Variants in ASB2 observed in about 807,000 individuals in gnomAD.
ASB2 encodes the protein ankyrin repeat and SOCS box containing 2, also known as ankyrin repeat and SOCS box protein 2.
A neutral mutation model predicts 62.4 loss-of-function variants in ASB2; 58 were observed. The ratio of observed to expected loss-of-function variants is 0.93; its 90% CI spans 0.75 to 1.16. ASB2 has a LOEUF of 1.16. ASB2 is among the 50% of genes most tolerant of loss of function. ASB2 has a pLI of 0.00. For missense variants in ASB2, 928 were observed against 887.9 expected (o/e 1.05, Z -0.57); for synonymous variants, 386 against 385.3 (o/e 1.00, Z -0.02).
chr14:93,965,815 G>A (rs1889572485), intron 1 of ASB2, among the ~76,000 whole-genome samples: 1 of 152,196 alleles, frequency 6.6e-6, no homozygotes, highest in South Asian at 2.1e-4. Context: ...TGATGGACAT[G>A]CGTCAAGGAT....
chr14:93,959,104 G>A (rs1889322285), intron 2 of ASB2, among the ~76,000 whole-genome samples: 1 of 152,188 alleles, frequency 6.6e-6, no homozygotes, highest in East Asian at 1.9e-4. Flanking sequence ...TGGAAGCAGC[G>A]GGTGTGCTGT....
chr14:93,950,363 A>G (rs1364492648), intron 6 of ASB2, among the ~76,000 whole-genome samples: 3 of 152,234 alleles, frequency 2.0e-5, no homozygotes, highest in Non-Finnish European at 4.4e-5. Context: ...GTCTTTTGCT[A>G]CTGGGCCATC....
intron 7 of ASB2, chr14:93,939,984 A>G (rs1888457178): frequency 2.9e-6 from 1 of 346,194 alleles, no homozygotes; most frequent in South Asian, 1.3e-4. Flanking sequence ...TGGCCTCCGA[A>G]GTCTGAGTTC....
chr14:93,947,480 G>A lies in ASB2; in HGVS notation c.921C>T (p.Ala307=). 1 of 1,614,212 alleles carries A rather than the reference G, an allele frequency of 6.2e-7. No individual in the cohort carries two copies. Among genetic ancestry groups the A allele is most frequent in the East Asian group, 2.2e-5 (1 of 44,886 alleles). Residue 307 remains alanine (A), a synonymous_variant, in exon 7 of 10, where the codon GCC becomes GCT. Transcript: ENST00000555019. The part of the protein sequence containing the change: ...INTQASDNAS[A]LYEACKNEHE... Reference sequence around the variant, plus strand: ...GCTCATTCTTGCAGGCCTCGTAGAGGGCAGACGCGTTGTCGCTGGCCTGCG... The same window carrying A: ...GCTCATTCTTGCAGGCCTCGTAGAGAGCAGACGCGTTGTCGCTGGCCTGCG...
chr14:93,964,729 A>G, intron 1 of ASB2, 117 bp from the exon 2 acceptor site: 1 of 623,228 alleles, frequency 1.6e-6, no homozygotes, highest in Non-Finnish European at 2.9e-6. Context: ...AAATTTATTC[A>G]TTGGTCACAT....
intron 7 of ASB2, 88 bp from the exon 8 acceptor site, chr14:93,939,760 C>T: frequency 9.1e-7 from 1 of 1,093,328 alleles, no homozygotes; most frequent in East Asian, 3.2e-5. Context: ...AGCTCGGGCG[C>T]CAGGCTCGGC....
At chr14:93,958,276 C>T (rs1049832351) in intron 2 of ASB2, among the ~76,000 whole-genome samples, 2 of 152,200 alleles carry the variant, frequency 1.3e-5, no homozygotes, top group African/African-American at 4.8e-5. Context: ...ATCCATCAAC[C>T]GTAGATGGGG....
chr14:93,959,292 A>T (rs1889328254), intron 2 of ASB2, among the ~76,000 whole-genome samples: 1 of 152,222 alleles, frequency 6.6e-6, no homozygotes, highest in Non-Finnish European at 1.5e-5. Context: ...ACACACAGCC[A>T]CAGAGTCACA....
rs1270277008 is a variant in ASB2, at chr14:93,954,536, G to C, written c.312-53C>G. 1.4e-5 allele frequency: 22 copies of C among 1,559,298 alleles called. No individual in the cohort carries two copies. In the Admixed American group the frequency reaches 3.6e-4, roughly 25 times the overall value. On this transcript the variant is annotated intron_variant, in intron 3 of 9. Transcript: ENST00000555019. ...TCAAGGTCAGGCCAAGGCCAGGCCA[G>C]GGGGCCTCTCTCTCAGGAGTGCTGG... is the stretch of plus-strand genomic sequence containing the variant.
chr14:93,962,993 G>A (rs543266198), intron 2 of ASB2, among the ~76,000 whole-genome samples: 12 of 152,298 alleles, frequency 7.9e-5, no homozygotes, highest in Admixed American at 5.9e-4. Context: ...GTAACCTGGA[G>A]TCTTCGTACT....
At chr14:93,948,345 C>T (rs1157237660) in intron 6 of ASB2, 9 of 154,352 alleles carry the variant, frequency 5.8e-5, no homozygotes, top group Non-Finnish European at 1.0e-4. Flanking sequence ...TTAACCCTCA[C>T]TCCATGTAAG....
chr14:93,965,335 T>C (rs1235310075), intron 1 of ASB2, among the ~76,000 whole-genome samples: 1 of 152,264 alleles, frequency 6.6e-6, no homozygotes, highest in Admixed American at 6.5e-5. Flanking sequence ...CAGGATTGCA[T>C]ACCAGTTACC....
intron 4 of ASB2, 105 bp downstream of exon 4, chr14:93,954,212 C>T (rs1339402697): frequency 2.2e-6 from 2 of 922,598 alleles, no homozygotes; most frequent in Non-Finnish European, 1.7e-6. Context: ...CTTGCCTGCC[C>T]TTCTCCCAAG....
chr14:93,953,769 G>A (rs1889067278), intron 4 of ASB2, among the ~76,000 whole-genome samples: 1 of 150,376 alleles, frequency 6.6e-6, no homozygotes, highest in Non-Finnish European at 1.5e-5. Context: ...TCCTTTCCTC[G>A]AACTCACACC....
chr14:93,951,596 A>G lies in ASB2; in HGVS notation c.635-352T>C, dbSNP rs2141292272. Among the ~76,000 whole-genome samples the G allele has an allele frequency of 2.0e-5, 3 of 152,336 alleles. 1 individual carries two copies. The South Asian group carries it at 6.2e-4, about 32-fold the overall frequency. On this transcript the variant is annotated intron_variant, in intron 5 of 9. Transcript: ENST00000555019. The stretch of plus-strand genomic sequence containing the variant: ...AGGAAGGTGAGGCACAGAGAGGGTA[A>G]GTGGCTTGCCCAAAGTCACACAGAT...
At chr14:93,944,892 G>A (rs1432743745) in intron 7 of ASB2, among the ~76,000 whole-genome samples, 1 of 152,190 alleles carries the variant, frequency 6.6e-6, no homozygotes, top group Non-Finnish European at 1.5e-5. Flanking sequence ...TTCTCCTCCA[G>A]CTGGGGCCAG....
intron 6 of ASB2, 104 bp downstream of exon 6, chr14:93,950,895 C>T (rs1189080021): frequency 1.6e-5 from 20 of 1,277,718 alleles, no homozygotes; most frequent in South Asian, 2.8e-5. Flanking sequence ...CATCAGTGTG[C>T]GCACAAGATG....
intron 1 of ASB2, among the ~76,000 whole-genome samples, chr14:93,975,015 G>T (rs895163500): frequency 1.3e-5 from 2 of 152,224 alleles, no homozygotes; most frequent in Admixed American, 6.5e-5. Context: ...TCTTGGGGAC[G>T]CTGTGCAGCA....
chr14:93,974,533 G>A (rs1021007769), intron 1 of ASB2, among the ~76,000 whole-genome samples: 3 of 152,092 alleles, frequency 2.0e-5, no homozygotes, highest in African/African-American at 7.2e-5. Flanking sequence ...CACAATATAC[G>A]GGCACCTTAT....
Sources: allele counts gnomAD v4.1 joint callset (sites outside exome capture counted in the v4.1 genomes callset), GRCh38; gene constraint gnomAD v4.1.1; transcripts MANE v1.5; gene names NCBI Gene and HGNC (gene_info 2026-07-23, HGNC 2026-07-21).